The following RAPGEF2 variants were observed in gnomAD, a reference collection of about 807,000 sequenced individuals.
RAPGEF2 encodes the protein PDZ domain containing guanine nucleotide exchange factor (GEF) 1.
Under a neutral mutation model 186.7 loss-of-function variants are expected in RAPGEF2, and 54 were observed. The observed-to-expected ratio is 0.29, with a 90% CI of 0.23 to 0.36. RAPGEF2 has a LOEUF of 0.36. Ranked by LOEUF, RAPGEF2 falls within the 10% of genes least tolerant of loss-of-function variation. The pLI is 1.00. For missense variants in RAPGEF2, 1,532 were observed against 2,045.0 expected (o/e 0.75, Z 4.84); for synonymous variants, 712 against 705.9 (o/e 1.01, Z -0.14).
intron 4 of RAPGEF2, among the ~76,000 whole-genome samples, chr4:159,215,039 T>G (rs116911574): frequency 0.016 from 2,466 of 152,254 alleles, 27 homozygotes; most frequent in Middle Eastern, 0.071. Flanking sequence ...AGTTTTGTAG[T>G]TTTAGTGGAG....
chr4:159,247,528 CAA>C (rs965092462), intron 7 of RAPGEF2, among the ~76,000 whole-genome samples: 32 of 151,948 alleles, frequency 2.1e-4, no homozygotes, highest in African/African-American at 7.5e-4. Context: ...TAAGGAACAA[CAA>C]AGAGACTGAA....
At chr4:159,331,583 A>T in intron 14 of RAPGEF2, 45 bp downstream of exon 14, 1 of 1,610,812 alleles carries the variant, frequency 6.2e-7, no homozygotes, top group East Asian at 2.2e-5. Flanking sequence ...AGTTCATTTT[A>T]TTCAGCCTGT....
At chr4:159,188,854 A>C (rs28713347) in intron 2 of RAPGEF2, among the ~76,000 whole-genome samples, 2,379 of 152,286 alleles carry the variant, frequency 0.016, 72 homozygotes, top group African/African-American at 0.054. Context: ...GAGCCTACAC[A>C]GATGTGTTTG....
At chr4:159,145,289 C>G (rs1001158818) in intron 1 of RAPGEF2, among the ~76,000 whole-genome samples, 1 of 151,944 alleles carries the variant, frequency 6.6e-6, no homozygotes, top group East Asian at 1.9e-4. Context: ...TGCTTGCTGT[C>G]GGATAGAACA....
rs761857251 is a variant in RAPGEF2 at position 159,330,458 on chromosome 4, A to T, written c.1427A>T (p.Lys476Met). ...FLSSPMEVGK[K>M]LLEWFNDPSL... is the part of the protein sequence containing the mutation. ...TCTAGCCCAATGGAAGTGGGCAAAAAGTTATTGGAGTGGTTTAATGACCCG... is the reference window on the plus strand; with the variant it reads ...TCTAGCCCAATGGAAGTGGGCAAAATGTTATTGGAGTGGTTTAATGACCCG... The change falls in exon 13 of 30, where the codon AAG becomes ATG. Residue 476 changes from lysine (K) to methionine (M), a missense_variant. By Grantham distance (95) the Lys-to-Met change is moderately conservative. This residue lies in a region of RAPGEF2 where 810 missense variants were observed against 1,210.5 expected (regional missense o/e 0.67). Coordinates refer to ENST00000691494, the MANE Select transcript of RAPGEF2 (RefSeq NM_001394067.2). 2 of 1,607,348 alleles carry T rather than the reference A, an allele frequency of 1.2e-6. No homozygotes were observed. The highest frequency in any genetic ancestry group is 1.1e-5 in the South Asian group (1 of 89,332).
chr4:159,153,710 CA>C (rs1388113623), intron 1 of RAPGEF2, among the ~76,000 whole-genome samples: 1 of 152,106 alleles, frequency 6.6e-6, no homozygotes, highest in Non-Finnish European at 1.5e-5. Context: ...AGTTGCCCCC[CA>C]ACATTTTCCT....
At chr4:159,220,878 T>A (rs1173618308) in intron 4 of RAPGEF2, among the ~76,000 whole-genome samples, 1 of 152,214 alleles carries the variant, frequency 6.6e-6, no homozygotes, top group Non-Finnish European at 1.5e-5. Flanking sequence ...AAAATCACTT[T>A]AAAAAGTTTG....
At chr4:159,308,674 T>C (rs1763595728) in intron 8 of RAPGEF2, among the ~76,000 whole-genome samples, 1 of 152,172 alleles carries the variant, frequency 6.6e-6, no homozygotes, top group Non-Finnish European at 1.5e-5. Context: ...CAGGGAGATA[T>C]GGATAGAATA....
chr4:159,322,149 A>G (rs537849936), intron 9 of RAPGEF2, among the ~76,000 whole-genome samples, 198 bp from the exon 10 acceptor site: 2 of 152,366 alleles, frequency 1.3e-5, no homozygotes, highest in East Asian at 3.9e-4. Flanking sequence ...TCAACAAGTA[A>G]GAGTCATCAT....
intron 28 of RAPGEF2, 105 bp from the exon 29 acceptor site, chr4:159,355,748 C>A: frequency 9.1e-7 from 1 of 1,099,956 alleles, no homozygotes; most frequent in Non-Finnish European, 1.3e-6. Flanking sequence ...AAATGCACAT[C>A]TGCTGCTACA....
At chr4:159,300,114 TA>T (rs1762473842) in intron 7 of RAPGEF2, among the ~76,000 whole-genome samples, 2 of 151,316 alleles carry the variant, frequency 1.3e-5, no homozygotes, top group Non-Finnish European at 2.9e-5. Flanking sequence ...AAGTGTAAAG[TA>T]ATACTTATAA....
intron 29 of RAPGEF2, among the ~76,000 whole-genome samples, chr4:159,357,854 TAAC>T (rs1287912693): frequency 2.0e-5 from 3 of 152,242 alleles, no homozygotes; most frequent in African/African-American, 4.8e-5. Flanking sequence ...AAAATGAATT[TAAC>T]AACTTTCTGA....
At chr4:159,293,575 G>A (rs1270145434) in intron 7 of RAPGEF2, among the ~76,000 whole-genome samples, 1 of 152,168 alleles carries the variant, frequency 6.6e-6, no homozygotes, top group African/African-American at 2.4e-5. Context: ...AAGGAATTTA[G>A]AATTTCACTG....
At chr4:159,342,873 AT>A in intron 20 of RAPGEF2, 105 bp from the exon 21 acceptor site, 1 of 978,258 alleles carries the variant, frequency 1.0e-6, no homozygotes, top group Non-Finnish European at 1.5e-6. Context: ...CCTTCTGTAA[AT>A]TGTTATGCAT....
At chr4:159,352,260 A>C (rs1395484003) in intron 26 of RAPGEF2, among the ~76,000 whole-genome samples, 1 of 152,268 alleles carries the variant, frequency 6.6e-6, no homozygotes, top group Non-Finnish European at 1.5e-5. Flanking sequence ...CAGTTGAATT[A>C]GTCTATGCCA....
chr4:159,139,455 G>A (rs1011498408), intron 1 of RAPGEF2, among the ~76,000 whole-genome samples: 1 of 151,938 alleles, frequency 6.6e-6, no homozygotes, highest in Non-Finnish European at 1.5e-5. Context: ...TATAATGTAA[G>A]ACACACATTT....
At chr4:159,122,038 C>CAA (rs70962654) in intron 1 of RAPGEF2, among the ~76,000 whole-genome samples, 1,170 of 51,304 alleles carry the variant, frequency 0.023, 66 homozygotes, top group African/African-American at 0.068. Flanking sequence ...GACTCCATCT[C>CAA]AAAAAAAAAA....
chr4:159,179,939 A>G (rs779595670), intron 1 of RAPGEF2, among the ~76,000 whole-genome samples: 1 of 152,192 alleles, frequency 6.6e-6, no homozygotes, highest in Non-Finnish European at 1.5e-5. Context: ...AAGGGTTCCT[A>G]TTGAATGTGT....
chr4:159,118,772 A>C (rs1739340208), intron 1 of RAPGEF2, among the ~76,000 whole-genome samples: 1 of 152,034 alleles, frequency 6.6e-6, no homozygotes, highest in Non-Finnish European at 1.5e-5. Context: ...TGTAGTAGAG[A>C]TGGGGTTTCA....
Sources: gnomAD v4.1 joint callset for allele counts (sites outside exome capture counted in the v4.1 genomes callset) on GRCh38, gnomAD v4.1.1 for gene constraint, gnomAD v4.1.1 regional missense constraint, MANE v1.5 for transcripts, NCBI Gene and HGNC (gene_info 2026-07-23, HGNC 2026-07-21) for gene names.